ZBTB20: variants seen among roughly 807,000 people sequenced by gnomAD.
ZBTB20 encodes zinc finger and BTB domain-containing protein 20.
A neutral mutation model predicts 56.9 loss-of-function variants in ZBTB20; 9 were observed. The observed-to-expected ratio is 0.16, with a 90% confidence interval of 0.10 to 0.28. ZBTB20 has a LOEUF of 0.28. ZBTB20 is among the 10% of genes least tolerant of loss of function. The pLI, the probability that ZBTB20 is intolerant of heterozygous loss-of-function variation, is 1.00. For missense variants in ZBTB20, 655 were observed against 1,003.0 expected (o/e 0.65, Z 4.69); for synonymous variants, 417 against 420.7 (o/e 0.99, Z 0.11).
intron 6 of ZBTB20, among the ~76,000 whole-genome samples, chr3:114,675,583 G>A (rs2061583633): frequency 6.6e-6 from 1 of 152,026 alleles, no homozygotes; most frequent in African/African-American, 2.4e-5. Context: ...AAATCAATGG[G>A]TGGGCATAAA....
chr3:114,844,938 C>CGAAGTTCTTTGTATTTTCTGGATA (rs1460410830), intron 4 of ZBTB20, among the ~76,000 whole-genome samples: 1 of 124,732 alleles, frequency 8.0e-6, no homozygotes, highest in Non-Finnish European at 1.7e-5. Flanking sequence ...ATTGAGTTTT[C>CGAAGTTCTTTGTATTTTCTGGATA]GAAGTTCTTT....
intron 5 of ZBTB20, among the ~76,000 whole-genome samples, chr3:114,747,099 T>C (rs972146448): frequency 3.3e-5 from 5 of 152,230 alleles, no homozygotes; most frequent in African/African-American, 9.6e-5. Flanking sequence ...CATATAGTTA[T>C]ATCAGAAAGT....
rs569573202 is a variant in ZBTB20, at chr3:114,542,832, T to C, written c.-294-42441A>G. On this transcript the variant is annotated intron_variant, in intron 6 of 11. Transcript: ENST00000675478. ...TTAAATACCTATTCTTTAATAGCTTTCTTCAAAAGACTGGTAACTTACTGC... is the reference window on the plus strand; with the variant it reads ...TTAAATACCTATTCTTTAATAGCTTCCTTCAAAAGACTGGTAACTTACTGC... Among the ~76,000 whole-genome samples, 6 of 152,288 alleles carry C rather than the reference T, an allele frequency of 3.9e-5. No homozygotes were observed. The East Asian group carries it at 9.6e-4, about 24-fold the overall frequency.
intron 1 of ZBTB20, among the ~76,000 whole-genome samples, chr3:115,110,084 T>G (rs1278603991): frequency 2.0e-5 from 3 of 151,970 alleles, no homozygotes; most frequent in Admixed American, 6.6e-5. Flanking sequence ...TAGTGGCACA[T>G]ACCTGTAATC....
chr3:114,901,739 C>T (rs960835135), intron 3 of ZBTB20, among the ~76,000 whole-genome samples: 2 of 151,706 alleles, frequency 1.3e-5, no homozygotes, highest in African/African-American at 4.8e-5. Context: ...CGGAAAAATG[C>T]AAATTTATAG....
At chr3:114,578,196 G>T (rs1426995924) in intron 6 of ZBTB20, among the ~76,000 whole-genome samples, 1 of 151,952 alleles carries the variant, frequency 6.6e-6, no homozygotes, top group Non-Finnish European at 1.5e-5. Flanking sequence ...TACAATAAAT[G>T]AAATAAAGGA....
At chr3:114,555,486 A>G (rs7615798) in intron 6 of ZBTB20, among the ~76,000 whole-genome samples, 25,047 of 151,974 alleles carry the variant, frequency 0.16, 2,276 homozygotes, top group South Asian at 0.25. Flanking sequence ...CCCCATAGAA[A>G]CGATGATTGG....
intron 5 of ZBTB20, among the ~76,000 whole-genome samples, chr3:114,763,009 C>A (rs974773002): frequency 6.6e-6 from 1 of 152,108 alleles, no homozygotes; most frequent in African/African-American, 2.4e-5. Context: ...CATTCTAATT[C>A]CTAAACTTAT....
intron 6 of ZBTB20, among the ~76,000 whole-genome samples, chr3:114,546,127 C>A (rs535625391): frequency 8.5e-5 from 13 of 152,190 alleles, no homozygotes; most frequent in African/African-American, 2.9e-4. Flanking sequence ...TAGAGTAAAT[C>A]GGTACATCTT....
At position 114,328,443 on chromosome 3, in the gene ZBTB20, TC is replaced by T. The variant is rs2108029187; in HGVS notation, c.*10561del. 6.6e-6 allele frequency: 1 copy of T among 152,306 alleles called. No individual in the cohort carries two copies. The highest frequency in any genetic ancestry group is 1.9e-4 in the East Asian group (1 of 5,188). 9.4% of individuals were successfully genotyped at this position (152,306 alleles called of 1,614,324 possible). A position where few individuals can be genotyped will look rare whatever the true frequency, so the allele number is the denominator to read the frequency against. Reference sequence around the variant, plus strand: ...AGTGGAAACAGTCAACATTAATGATTCTTTTTTTCTCCGTCAAAAGTGATTT... The same window carrying T: ...AGTGGAAACAGTCAACATTAATGATTTTTTTTTCTCCGTCAAAAGTGATTT... On this transcript the variant is annotated 3_prime_UTR_variant, in exon 12 of 12. Transcript: ENST00000675478.
At chr3:114,911,957 A>C (rs1267508336) in intron 3 of ZBTB20, among the ~76,000 whole-genome samples, 1 of 151,828 alleles carries the variant, frequency 6.6e-6, no homozygotes, top group African/African-American at 2.4e-5. Context: ...GAATGCTCTA[A>C]GACATATTAT....
chr3:114,765,702 A>C (rs1182541240), intron 5 of ZBTB20, among the ~76,000 whole-genome samples: 1 of 152,248 alleles, frequency 6.6e-6, no homozygotes, highest in Non-Finnish European at 1.5e-5. Context: ...AATCAAGTTC[A>C]GAATATATTG....
chr3:114,528,510 G>A (rs978905252), intron 6 of ZBTB20: 13 of 152,202 alleles, frequency 8.5e-5, no homozygotes, highest in South Asian at 2.1e-4. Context: ...AATCAGTACC[G>A]TTTTCCTTTA....
chr3:115,137,595 T>C (rs1284880300), intron 1 of ZBTB20, among the ~76,000 whole-genome samples: 3 of 152,108 alleles, frequency 2.0e-5, no homozygotes, highest in Non-Finnish European at 4.4e-5. Context: ...AATAAAAGTC[T>C]AGACTGTATT....
chr3:115,112,743 GA>G (rs2083914221), intron 1 of ZBTB20, among the ~76,000 whole-genome samples: 1 of 152,096 alleles, frequency 6.6e-6, no homozygotes, highest in African/African-American at 2.4e-5. Context: ...TTGCTACTAT[GA>G]ATAGTGCTGC....
intron 7 of ZBTB20, among the ~76,000 whole-genome samples, chr3:114,449,220 A>C (rs2109015517): frequency 6.6e-6 from 1 of 152,314 alleles, no homozygotes; most frequent in African/African-American, 2.4e-5. Flanking sequence ...TCAGTTCTCA[A>C]AAAACGGCTA....
intron 7 of ZBTB20, among the ~76,000 whole-genome samples, chr3:114,421,010 G>A (rs901199397): frequency 1.3e-5 from 2 of 152,102 alleles, no homozygotes; most frequent in African/African-American, 4.8e-5. Context: ...AAGACTTGGA[G>A]TCAAAGCTTT....
chr3:115,077,933 TA>T (rs1332172053), intron 1 of ZBTB20, among the ~76,000 whole-genome samples: 1 of 152,212 alleles, frequency 6.6e-6, no homozygotes, highest in Non-Finnish European at 1.5e-5. Flanking sequence ...CTTACCACGG[TA>T]TTTCTCTAAA....
At chr3:115,084,754 T>C (rs561984461) in intron 1 of ZBTB20, among the ~76,000 whole-genome samples, 1 of 152,080 alleles carries the variant, frequency 6.6e-6, no homozygotes, top group South Asian at 2.1e-4. Flanking sequence ...CACTGACATA[T>C]GACCAAGACC....
Sources: allele counts gnomAD v4.1 joint callset (sites outside exome capture counted in the v4.1 genomes callset), GRCh38; gene constraint gnomAD v4.1.1; transcripts MANE v1.5; gene names NCBI Gene and HGNC (gene_info 2026-07-23, HGNC 2026-07-21).